The following CAMK1G variants were observed in gnomAD, a reference collection of about 807,000 sequenced individuals.
CAMK1G encodes calcium/calmodulin dependent protein kinase IG.
In CAMK1G, 27 loss-of-function variants were observed where a neutral mutation model predicts 54.8. The observed-to-expected ratio is 0.49, with a 90% confidence interval of 0.36 to 0.68. The LOEUF is 0.68. Ranked by LOEUF, CAMK1G falls within the 30% of genes least tolerant of loss-of-function variation. The pLI is 0.00. For synonymous variants in CAMK1G, 238 were observed against 224.9 expected, an observed-to-expected ratio of 1.06 and a Z score of -0.52; for missense variants, 512 against 591.0, an observed-to-expected ratio of 0.87 and a Z score of 1.39.
chr1:209,604,478 C>T (rs1364553250), intron 4 of CAMK1G, among the ~76,000 whole-genome samples: 1 of 152,184 alleles, frequency 6.6e-6, no homozygotes, highest in Non-Finnish European at 1.5e-5. Flanking sequence ...TCCTACAGGC[C>T]TTCAGCTACT....
intron 2 of CAMK1G, 64 bp downstream of exon 2, chr1:209,595,139 G>T (rs560621487): frequency 8.8e-7 from 1 of 1,134,890 alleles, no homozygotes; most frequent in Non-Finnish European, 1.3e-6. Flanking sequence ...TAGAAGAGTT[G>T]TTCTCTGCTG....
intron 1 of CAMK1G, among the ~76,000 whole-genome samples, chr1:209,591,659 G>A (rs567278793): frequency 2.0e-5 from 3 of 152,214 alleles, no homozygotes; most frequent in Admixed American, 2.0e-4. Flanking sequence ...ATTTTATGTT[G>A]TAAGGTATTT....
rs372694695 is a variant in CAMK1G at position 209,605,685 on chromosome 1, G to A, written c.435+11G>A. The A allele has an allele frequency of 1.1e-5, 17 of 1,610,832 alleles. No homozygotes were observed. In the South Asian group the frequency reaches 1.1e-4, roughly 10 times the overall value. On this transcript the variant is annotated intron_variant, in intron 5 of 12. Transcript: ENST00000361322. ...CACAGAGACTTAAAGGTGTCAAGGC[G>A]GGAGTCCTGGGTGGGAAACAGATAA...
chr1:209,599,943 GC>G, intron 2 of CAMK1G, 39 bp from the exon 3 acceptor site: 1 of 1,608,188 alleles, frequency 6.2e-7, no homozygotes, highest in Non-Finnish European at 8.5e-7. Flanking sequence ...TAAGATGTCT[GC>G]CCCCTACTAA....
rs767074629 is a variant in CAMK1G at position 209,612,187 on chromosome 1, C to T, written c.1311C>T (p.Pro437=). The T allele has an allele frequency of 6.8e-6, 11 of 1,614,026 alleles. No homozygotes were observed. Among genetic ancestry groups the T allele is most frequent in the Non-Finnish European group, 9.3e-6 (11 of 1,179,974 alleles). The change falls in exon 11 of 13, where the codon CCC becomes CCT. Residue 437 remains proline (P), a synonymous_variant. Coordinates refer to ENST00000361322, the MANE Select transcript of CAMK1G (RefSeq NM_020439.3). ...SKGKSSYCSE[P]TLLKKANKKQ... ...GAAAGTCCTCCTACTGCTCTGAGCC[C>T]ACACTCCTCAAAAAGGCCAACAAAA...
intron 4 of CAMK1G, 75 bp from the exon 5 acceptor site, chr1:209,605,461 G>T (rs1342674470): frequency 1.3e-6 from 2 of 1,546,672 alleles, no homozygotes; most frequent in African/African-American, 1.4e-5. Flanking sequence ...GTCCCCCAAG[G>T]CTTCAAAGCA....
At chr1:209,603,092 G>T in intron 3 of CAMK1G, 122 bp from the exon 4 acceptor site, 2 of 807,418 alleles carry the variant, frequency 2.5e-6, no homozygotes, top group Admixed American at 2.2e-5. Context: ...GCTTCACAGA[G>T]ACCTAGTCTT....
chr1:209,605,431 G>T (rs1295597847), intron 4 of CAMK1G, 105 bp from the exon 5 acceptor site: 3 of 1,377,928 alleles, frequency 2.2e-6, no homozygotes, highest in Non-Finnish European at 3.0e-6. Flanking sequence ...ATGGGGGCCT[G>T]CCTGTTCCAC....
At chr1:209,610,540 A>G (rs1469085020) in intron 9 of CAMK1G, among the ~76,000 whole-genome samples, 1 of 152,070 alleles carries the variant, frequency 6.6e-6, no homozygotes, top group Non-Finnish European at 1.5e-5. Context: ...CCTGGGAGCT[A>G]TATCTGTCTC....
intron 10 of CAMK1G, 89 bp downstream of exon 10, chr1:209,611,641 A>T (rs529943285): frequency 3.4e-6 from 5 of 1,481,076 alleles, no homozygotes; most frequent in African/African-American, 2.8e-5. Flanking sequence ...TTTCCTTGGG[A>T]TGTCCCAGAA....
intron 5 of CAMK1G, among the ~76,000 whole-genome samples, chr1:209,606,108 C>T (rs554157900): frequency 2.0e-5 from 3 of 151,990 alleles, no homozygotes; most frequent in South Asian, 2.1e-4. Context: ...TTTACAAGAC[C>T]GAGCAAAGTC....
intron 3 of CAMK1G, among the ~76,000 whole-genome samples, chr1:209,602,773 A>T (rs909930620): frequency 1.3e-5 from 2 of 152,240 alleles, no homozygotes; most frequent in Admixed American, 6.5e-5. Flanking sequence ...ATATGCAAAT[A>T]TTCCAAAAAC....
chr1:209,612,957 AG>A, intron 12 of CAMK1G, 45 bp downstream of exon 12: 1 of 1,019,272 alleles, frequency 9.8e-7, no homozygotes, highest in Non-Finnish European at 1.5e-6. Flanking sequence ...TTTCTGTCCC[AG>A]AGGAGAGCCC....
At chr1:209,604,496 C>T (rs574938072) in intron 4 of CAMK1G, among the ~76,000 whole-genome samples, 9 of 152,248 alleles carry the variant, frequency 5.9e-5, no homozygotes, top group South Asian at 4.1e-4. Flanking sequence ...ACTATAGGAG[C>T]GCCCAAAGCC....
intron 1 of CAMK1G, among the ~76,000 whole-genome samples, chr1:209,592,862 T>A (rs1571774148): frequency 6.6e-6 from 1 of 152,180 alleles, no homozygotes; most frequent in Non-Finnish European, 1.5e-5. Context: ...GCAGAAGAGG[T>A]TCCCTCTATT....
intron 4 of CAMK1G, among the ~76,000 whole-genome samples, chr1:209,604,864 A>G (rs1571782855): frequency 6.6e-6 from 1 of 152,206 alleles, no homozygotes; most frequent in South Asian, 2.1e-4. Context: ...GAATATTCCA[A>G]AAAACACTCT....
chr1:209,599,882 G>A (rs1003673128), intron 2 of CAMK1G, 101 bp from the exon 3 acceptor site: 1 of 1,402,868 alleles, frequency 7.1e-7, no homozygotes, highest in African/African-American at 1.4e-5. Context: ...TGTGGTCAGA[G>A]GACTATATAG....
intron 1 of CAMK1G, among the ~76,000 whole-genome samples, chr1:209,586,028 C>T (rs1031004449): frequency 3.3e-5 from 5 of 152,236 alleles, no homozygotes; most frequent in African/African-American, 1.2e-4. Context: ...AAACCCATGT[C>T]CTTGGAGGAA....
chr1:209,600,149 T>A (rs144202358), intron 3 of CAMK1G, 38 bp downstream of exon 3: 1 of 1,598,776 alleles, frequency 6.3e-7, no homozygotes, highest in East Asian at 2.2e-5. Flanking sequence ...CACTATGGGA[T>A]CACAACATTT....
Sources: allele counts gnomAD v4.1 joint callset (sites outside exome capture counted in the v4.1 genomes callset), GRCh38; gene constraint gnomAD v4.1.1; transcripts MANE v1.5; gene names NCBI Gene and HGNC (gene_info 2026-07-23, HGNC 2026-07-21).